Variants in PPP2R2A observed in about 807,000 individuals in gnomAD.
The protein encoded by PPP2R2A is serine/threonine-protein phosphatase 2A 55 kDa regulatory subunit B alpha isoform.
PPP2R2A carries 9 observed loss-of-function variants against 53.2 expected under a neutral mutation model. The ratio of observed to expected loss-of-function variants is 0.17; its 90% CI spans 0.10 to 0.30. PPP2R2A has a LOEUF of 0.30. Among genes scored for constraint, PPP2R2A ranks in the 10% least tolerant of loss-of-function variants. The probability of loss-of-function intolerance (pLI) is 1.00; values close to 1 mark genes in which losing one functional copy is unlikely to be tolerated. For synonymous variants in PPP2R2A, 169 were observed against 174.2 expected (o/e 0.97, Z 0.23); for missense variants, 235 against 534.6 (o/e 0.44, Z 5.53).
chr8:26,341,843 A>G (rs1166135031), intron 3 of PPP2R2A, among the ~76,000 whole-genome samples: 1 of 152,234 alleles, frequency 6.6e-6, no homozygotes, highest in Admixed American at 6.5e-5. Context: ...ATCATATAAC[A>G]GCAACAGAGA....
chr8:26,346,117 GTTATTATTA>G (rs71551870), intron 3 of PPP2R2A, among the ~76,000 whole-genome samples: 81 of 144,430 alleles, frequency 5.6e-4, no homozygotes, highest in Middle Eastern at 7.2e-3. Flanking sequence ...TACCAGTCGG[GTTATTATTA>G]TTATTATTAT....
At chr8:26,293,897 A>G (rs2117177633) in intron 2 of PPP2R2A, 157 bp downstream of exon 2, 1 of 663,324 alleles carries the variant, frequency 1.5e-6, no homozygotes, top group East Asian at 2.8e-5. Context: ...TCTGAAAAAC[A>G]GCCTTAAATT....
At chr8:26,292,249 G>GGT (rs932771561) in intron 1 of PPP2R2A, 142 of 1,030,972 alleles carry the variant, frequency 1.4e-4, no homozygotes, top group Admixed American at 1.7e-4. Context: ...AGCCTTCTTG[G>GGT]GTGTATATAC....
At chr8:26,328,430 T>G (rs1803203382) in intron 2 of PPP2R2A, among the ~76,000 whole-genome samples, 1 of 152,214 alleles carries the variant, frequency 6.6e-6, no homozygotes, top group Non-Finnish European at 1.5e-5. Flanking sequence ...GTATTGCCTC[T>G]TTTTAAAAAA....
Position 26,291,606 on chromosome 8 carries a change from A to G in PPP2R2A, c.-214A>G, listed in dbSNP as rs1801296886. 1.8e-6 allele frequency: 1 copy of G among 566,030 alleles called. No homozygotes were observed. The allele number at this position is 566,030 out of a possible 1,614,324, so 35.1% of individuals were successfully genotyped here. A position where few individuals can be genotyped will look rare whatever the true frequency, so the allele number is the denominator to read the frequency against. On this transcript the variant is annotated 5_prime_UTR_variant, in exon 1 of 10. Transcript: ENST00000380737. ...TCGCCGCCGCCGCTGCCGGAGAAAG[A>G]GCACGAGCGGGGAAGCCCCAGAGTG...
intron 2 of PPP2R2A, among the ~76,000 whole-genome samples, chr8:26,327,446 A>G (rs1400707918): frequency 6.6e-6 from 1 of 152,186 alleles, no homozygotes; most frequent in Non-Finnish European, 1.5e-5. Context: ...GTCAAGCTTT[A>G]TTCACTTTTA....
At chr8:26,345,076 G>C (rs1804142949) in intron 3 of PPP2R2A, among the ~76,000 whole-genome samples, 1 of 152,112 alleles carries the variant, frequency 6.6e-6, no homozygotes, top group Admixed American at 6.6e-5. Context: ...ATGAGGCCAG[G>C]TGTGAAATTT....
rs189812795 is a variant in PPP2R2A, at chr8:26,323,673, G to A, written c.83-15217G>A. On this transcript the variant is annotated intron_variant, in intron 2 of 9. Transcript: ENST00000380737. ...TGAAGAGATATGTAGGACAAGGTCT[G>A]GAAGGGTCCTGAATGCAGGAGCTTC... is the stretch of plus-strand genomic sequence containing the variant. Among the ~76,000 whole-genome samples, 9 of 152,320 alleles carry A rather than the reference G, an allele frequency of 5.9e-5. No individual in the cohort carries two copies. In the East Asian group the frequency reaches 1.4e-3, roughly 23 times the overall value.
chr8:26,334,541 T>TG (rs1433354102), intron 2 of PPP2R2A, among the ~76,000 whole-genome samples: 1 of 151,972 alleles, frequency 6.6e-6, no homozygotes, highest in East Asian at 1.9e-4. Context: ...GTCAGGAGAT[T>TG]GAGACCATCC....
At chr8:26,336,524 A>T (rs1803669480) in intron 2 of PPP2R2A, among the ~76,000 whole-genome samples, 1 of 152,110 alleles carries the variant, frequency 6.6e-6, no homozygotes, top group Non-Finnish European at 1.5e-5. Flanking sequence ...TACTGACTTA[A>T]TCATCTCTAG....
chr8:26,367,636 T>TG (rs1325746699), intron 9 of PPP2R2A, among the ~76,000 whole-genome samples: 1 of 152,234 alleles, frequency 6.6e-6, no homozygotes, highest in African/African-American at 2.4e-5. Context: ...TGTGCTCACA[T>TG]GCAACTTGTG....
intron 1 of PPP2R2A, chr8:26,292,231 C>T (rs1801334192): frequency 9.5e-7 from 1 of 1,052,080 alleles, no homozygotes; most frequent in Non-Finnish European, 1.1e-6. Flanking sequence ...ATTTTTCCCC[C>T]TGCTGCAAGC....
Position 26,338,819 on chromosome 8 carries a change from G to T in PPP2R2A, c.83-71G>T, listed in dbSNP as rs537600242. 4 of 1,053,060 alleles carry T rather than the reference G, an allele frequency of 3.8e-6. No homozygotes were observed. The highest frequency in any genetic ancestry group is 2.5e-5 in the East Asian group (1 of 39,860). 65.2% of individuals were successfully genotyped at this position (1,053,060 alleles called of 1,614,324 possible). On this transcript the variant is annotated intron_variant, in intron 2 of 9. Transcript: ENST00000380737. The surrounding 1 kb of genome is among the most constrained non-coding windows in gnomAD (Gnocchi z 4.5). Reference sequence around the variant, plus strand: ...AGACTTGGAATGTTTGGGAAAACACGCTAAGTTCTGAAACTAGTGAGTCGG... The same window carrying T: ...AGACTTGGAATGTTTGGGAAAACACTCTAAGTTCTGAAACTAGTGAGTCGG...
chr8:26,347,399 C>T (rs1274496012), intron 3 of PPP2R2A, among the ~76,000 whole-genome samples: 1 of 147,742 alleles, frequency 6.8e-6, no homozygotes. Context: ...TGTGTGTCCA[C>T]GCGCATGTGC....
In PPP2R2A at chr8:26,291,814, C is replaced by A. The variant is rs1020704808; in HGVS notation, c.-6C>A. The A allele has an allele frequency of 1.2e-6, 2 of 1,608,724 alleles. No individual in the cohort carries two copies. Among genetic ancestry groups the A allele is most frequent in the African/African-American group, 2.7e-5 (2 of 74,448 alleles). ...AACCCAGCAGGGTCACCATTTGCAG[C>A]GCAACATGGCAGGTAAAGGAGAAAT... On this transcript the variant is annotated 5_prime_UTR_variant, in exon 1 of 10. Transcript: ENST00000380737.
At chr8:26,363,689 G>T in intron 7 of PPP2R2A, 32 bp from the exon 8 acceptor site, 13 of 1,515,842 alleles carry the variant, frequency 8.6e-6, no homozygotes, top group Non-Finnish European at 1.2e-5. Flanking sequence ...TGTACACCTT[G>T]CCCTTTTTGT....
At chr8:26,369,645 G>A (rs1403330759) in intron 9 of PPP2R2A, among the ~76,000 whole-genome samples, 6 of 152,126 alleles carry the variant, frequency 3.9e-5, no homozygotes, top group Non-Finnish European at 7.4e-5. Context: ...GCCCACCTTG[G>A]CCTCCCAAAG....
At position 26,370,952 on chromosome 8, in the gene PPP2R2A, T is replaced by C. The variant is rs1474140426; in HGVS notation, c.*539T>C. 6.5e-6 allele frequency: 1 copy of C among 153,392 alleles called. No individual in the cohort carries two copies. Among genetic ancestry groups the C allele is most frequent in the Admixed American group, 6.5e-5 (1 of 15,410 alleles). The allele number at this position is 153,392 out of a possible 1,614,324, so 9.5% of individuals were successfully genotyped here. ...TCCACCCGGTCTTGGTGGTGGTATATTAAAAAAAGAAAGAATGAAAGCACA... is the reference window on the plus strand; with the variant it reads ...TCCACCCGGTCTTGGTGGTGGTATACTAAAAAAAGAAAGAATGAAAGCACA... On this transcript the variant is annotated 3_prime_UTR_variant, in exon 10 of 10. Transcript: ENST00000380737. This position sits in a 1 kb window ranked among gnomAD's most constrained non-coding sequence, Gnocchi z 6.1.
At chr8:26,296,174 T>C (rs558212707) in intron 2 of PPP2R2A, among the ~76,000 whole-genome samples, 2 of 152,348 alleles carry the variant, frequency 1.3e-5, no homozygotes, top group East Asian at 3.9e-4. Context: ...TGCTTCTTCG[T>C]CCTGTTTTGC....
Sources: allele counts gnomAD v4.1 joint callset (sites outside exome capture counted in the v4.1 genomes callset), GRCh38; gene constraint gnomAD v4.1.1; non-coding constraint Gnocchi (gnomAD v3.1); transcripts MANE v1.5; gene names NCBI Gene and HGNC (gene_info 2026-07-23, HGNC 2026-07-21).